OMA1: variants seen among roughly 807,000 people sequenced by gnomAD.
OMA1 encodes the protein metalloendopeptidase OMA1, mitochondrial.
OMA1 carries 38 observed loss-of-function variants against 30.9 expected under a neutral mutation model. That is an observed-to-expected ratio of 1.23 (90% CI 0.95 to 1.61). OMA1 has a LOEUF of 1.61. OMA1 is among the 40% of genes most tolerant of loss of function. The pLI is 0.00. For synonymous variants in OMA1, 173 were observed against 121.9 expected (o/e 1.42, Z -2.76); for missense variants, 461 against 349.2 (o/e 1.32, Z -2.55).
At chr1:58,513,255 T>G (rs927175254) in intron 7 of OMA1, among the ~76,000 whole-genome samples, 2 of 152,200 alleles carry the variant, frequency 1.3e-5, no homozygotes, top group Non-Finnish European at 2.9e-5. Context: ...TTCTGCTATG[T>G]AAGACATACC....
intron 8 of OMA1, among the ~76,000 whole-genome samples, chr1:58,481,548 A>C (rs1645482660): frequency 6.6e-6 from 1 of 152,186 alleles, no homozygotes; most frequent in Admixed American, 6.5e-5. Flanking sequence ...TTCAAGAAAA[A>C]CTGCAGAACA....
chr1:58,538,342 C>T (rs1646550330), intron 2 of OMA1, among the ~76,000 whole-genome samples: 2 of 152,086 alleles, frequency 1.3e-5, no homozygotes, highest in Admixed American at 6.5e-5. Flanking sequence ...AGTGAGCCCA[C>T]CCTTATATAA....
chr1:58,534,677 G>A (rs1490837946), intron 3 of OMA1, among the ~76,000 whole-genome samples: 6 of 152,228 alleles, frequency 3.9e-5, no homozygotes, highest in Admixed American at 3.9e-4. Flanking sequence ...GCTCACGCCT[G>A]TAATCCCAGA....
intron 7 of OMA1, among the ~76,000 whole-genome samples, chr1:58,509,271 T>G (rs59893840): frequency 0.048 from 7,343 of 151,908 alleles, 224 homozygotes; most frequent in African/African-American, 0.063. Flanking sequence ...ATAACCATCA[T>G]AAAGACACTC....
In OMA1 at chr1:58,480,873, T is replaced by C. The variant is rs1277013399; in HGVS notation, c.*92A>G. 4 of 698,404 alleles carry C rather than the reference T, an allele frequency of 5.7e-6. No individual in the cohort carries two copies. The highest frequency in any genetic ancestry group is 9.6e-6 in the Non-Finnish European group (4 of 418,324). 43.3% of individuals were successfully genotyped at this position (698,404 alleles called of 1,614,324 possible). ...TGATTTGACCCTGAATATCCTTTTTTTTTTCACTTCAAACATCATTTTTTA... is the reference window on the plus strand; with the variant it reads ...TGATTTGACCCTGAATATCCTTTTTCTTTTCACTTCAAACATCATTTTTTA... On this transcript the variant is annotated 3_prime_UTR_variant, in exon 9 of 9. Coordinates refer to ENST00000371226, the MANE Select transcript of OMA1 (RefSeq NM_145243.5).
intron 8 of OMA1, among the ~76,000 whole-genome samples, chr1:58,491,563 G>A (rs1277854039): frequency 6.6e-6 from 1 of 152,072 alleles, no homozygotes; most frequent in Non-Finnish European, 1.5e-5. Flanking sequence ...TAAAAGGATG[G>A]AGGAAGATCT....
chr1:58,486,417 T>C (rs1280874924), intron 8 of OMA1, among the ~76,000 whole-genome samples: 2 of 152,246 alleles, frequency 1.3e-5, no homozygotes, highest in Non-Finnish European at 2.9e-5. Flanking sequence ...TTACCAACTA[T>C]TAATGTCCTA....
chr1:58,480,877 T>C lies in OMA1; in HGVS notation c.*88A>G, dbSNP rs976206593. The C allele has an allele frequency of 7.1e-6, 5 of 703,128 alleles. No homozygotes were observed. Among genetic ancestry groups the C allele is most frequent in the African/African-American group, 3.5e-5 (2 of 56,806 alleles). 43.6% of individuals were successfully genotyped at this position (703,128 alleles called of 1,614,324 possible). On this transcript the variant is annotated 3_prime_UTR_variant, in exon 9 of 9. Transcript: ENST00000371226. The stretch of plus-strand genomic sequence containing the variant: ...TTGACCCTGAATATCCTTTTTTTTT[T>C]CACTTCAAACATCATTTTTTAAAAA...
At position 58,489,102 on chromosome 1, in the gene OMA1, A is replaced by G. The variant is rs542125382; in HGVS notation, c.1366-7928T>C. Among the ~76,000 whole-genome samples, 13 of 152,320 alleles carry G rather than the reference A, an allele frequency of 8.5e-5. No individual in the cohort carries two copies. In the East Asian group the frequency reaches 2.5e-3, roughly 30 times the overall value. ...GATTGTTGGCCAGTGGGTGCAGGAC[A>G]GTCGGTGCAGCGCACCGAGCGTGAG... On this transcript the variant is annotated intron_variant, in intron 8 of 8. Coordinates refer to ENST00000371226, the MANE Select transcript of OMA1 (RefSeq NM_145243.5).
Position 58,506,075 on chromosome 1 carries a change from A to G in OMA1, c.1350T>C (p.Asp450=). 2.3e-6 allele frequency: 2 copies of G among 871,420 alleles called. No homozygotes were observed. The highest frequency in any genetic ancestry group is 2.4e-5 in the East Asian group (1 of 41,696). The allele number at this position is 871,420 out of a possible 1,614,324, so 54.0% of individuals were successfully genotyped here. A position where few individuals can be genotyped will look rare whatever the true frequency, so the allele number is the denominator to read the frequency against. The change falls in exon 8 of 9, where the codon GAT becomes GAC. Residue 450 remains aspartate, a synonymous_variant. Transcript: ENST00000371226. The part of the protein sequence containing the change: ...PSHGNRVEYL[D]RLIPQALKIR... Reference sequence around the variant, plus strand: ...GTCAGCTCACCTGAGGTATAAGTCTATCCAAGTACTCAACTCGATTGCCAT... The same window carrying G: ...GTCAGCTCACCTGAGGTATAAGTCTGTCCAAGTACTCAACTCGATTGCCAT...
chr1:58,506,325 T>G (rs1294066902), intron 7 of OMA1, 116 bp from the exon 8 acceptor site: 1 of 609,802 alleles, frequency 1.6e-6, no homozygotes. Context: ...TTAGGGTACA[T>G]GTGCACAACG....
At chr1:58,541,634 A>AC (rs1646620751) in intron 1 of OMA1, 1 of 148,764 alleles carries the variant, frequency 6.7e-6, no homozygotes, top group Non-Finnish European at 1.5e-5. Flanking sequence ...AAAAAAAAAA[A>AC]AAAAAAACCA....
intron 7 of OMA1, among the ~76,000 whole-genome samples, chr1:58,521,788 A>G (rs1335225717): frequency 6.6e-6 from 1 of 152,170 alleles, no homozygotes; most frequent in Non-Finnish European, 1.5e-5. Flanking sequence ...TCATGAAGAA[A>G]TCTTCAGGCC....
intron 7 of OMA1, among the ~76,000 whole-genome samples, chr1:58,515,966 T>C (rs1367598777): frequency 1.3e-5 from 2 of 152,216 alleles, no homozygotes; most frequent in African/African-American, 4.8e-5. Context: ...AAAAATAGAT[T>C]TTGCTTATTA....
chr1:58,516,117 A>G (rs1557449145), intron 7 of OMA1, among the ~76,000 whole-genome samples: 1 of 152,144 alleles, frequency 6.6e-6, no homozygotes, highest in Non-Finnish European at 1.5e-5. Context: ...CCACTATAGG[A>G]TATTTATTAT....
intron 8 of OMA1, among the ~76,000 whole-genome samples, chr1:58,491,421 C>A (rs1041129363): frequency 2.6e-5 from 4 of 152,074 alleles, no homozygotes; most frequent in Non-Finnish European, 5.9e-5. Flanking sequence ...ACAATATTAA[C>A]CTTAAATGTA....
intron 8 of OMA1, among the ~76,000 whole-genome samples, chr1:58,494,419 G>A (rs1426933260): frequency 1.3e-5 from 2 of 152,032 alleles, no homozygotes; most frequent in Non-Finnish European, 2.9e-5. Context: ...TTGATAAATG[G>A]GATCTAATTA....
chr1:58,521,762 ATAAT>A (rs1265817674), intron 7 of OMA1, among the ~76,000 whole-genome samples: 2 of 152,202 alleles, frequency 1.3e-5, no homozygotes, highest in African/African-American at 2.4e-5. Context: ...GACTGAATCC[ATAAT>A]TAAAGACAAA....
chr1:58,485,656 CT>C (rs1461244759), intron 8 of OMA1, among the ~76,000 whole-genome samples: 4 of 151,722 alleles, frequency 2.6e-5, no homozygotes, highest in African/African-American at 9.7e-5. Context: ...GCGCCAATGT[CT>C]TTTTATTTTT....
Sources: gnomAD v4.1 joint callset for allele counts (sites outside exome capture counted in the v4.1 genomes callset) on GRCh38, gnomAD v4.1.1 for gene constraint, MANE v1.5 for transcripts, NCBI Gene and HGNC (gene_info 2026-07-23, HGNC 2026-07-21) for gene names.